Variants in PHF24 observed in about 807,000 individuals in gnomAD.
PHF24 encodes Galpha inhibitory interacting protein.
A neutral mutation model predicts 42.6 loss-of-function variants in PHF24; 25 were observed. The observed-to-expected ratio is 0.59, with a 90% confidence interval of 0.43 to 0.82. PHF24 has a LOEUF of 0.82. Among genes scored for constraint, PHF24 ranks in the 40% least tolerant of loss-of-function variants. The pLI, the probability that PHF24 is intolerant of heterozygous loss-of-function variation, is 0.00. For synonymous variants in PHF24, 185 were observed against 204.8 expected (o/e 0.90, Z 0.83); for missense variants, 470 against 538.1 (o/e 0.87, Z 1.25).
chr9:34,904,364 C>T, the PHF24 span, among the ~76,000 whole-genome samples: 1 of 152,068 alleles, frequency 6.6e-6, no homozygotes, highest in African/African-American at 2.4e-5. Flanking sequence ...GTGGGTTTGT[C>T]GTGGATGGCT....
At chr9:34,869,918 AG>A in the PHF24 span, among the ~76,000 whole-genome samples, 1 of 152,200 alleles carries the variant, frequency 6.6e-6, no homozygotes, top group Non-Finnish European at 1.5e-5. Flanking sequence ...CAACCAAAAA[AG>A]TAATCATTAG....
chr9:34,739,563 G>A, the PHF24 span, among the ~76,000 whole-genome samples: 9 of 152,192 alleles, frequency 5.9e-5, no homozygotes, highest in East Asian at 1.4e-3. Context: ...TTAAGGTGGC[G>A]CGTCTGGAGT....
chr9:34,946,116 T>C, the PHF24 span, among the ~76,000 whole-genome samples: 1 of 152,240 alleles, frequency 6.6e-6, no homozygotes, highest in Non-Finnish European at 1.5e-5. Context: ...ATATTCTTTA[T>C]GGTCACCACA....
the PHF24 span, chr9:34,709,215 G>T: frequency 1.3e-6 from 1 of 773,868 alleles, no homozygotes; most frequent in Non-Finnish European, 2.1e-6. Flanking sequence ...GCTCAGCCAT[G>T]CAGGGTAGAG....
chr9:34,748,822 C>T, the PHF24 span, among the ~76,000 whole-genome samples: 1 of 152,162 alleles, frequency 6.6e-6, no homozygotes, highest in South Asian at 2.1e-4. Context: ...ACCATCAAGA[C>T]CATCCAGGAA....
At chr9:34,723,203 A>G in the PHF24 span, 3 of 1,542,998 alleles carry the variant, frequency 1.9e-6, no homozygotes, top group African/African-American at 1.4e-5. Context: ...GAGCGGACCA[A>G]TGTTTCTATC....
the PHF24 span, among the ~76,000 whole-genome samples, chr9:34,937,508 C>G: frequency 6.6e-6 from 1 of 152,206 alleles, no homozygotes; most frequent in East Asian, 1.9e-4. Flanking sequence ...GACACAAACA[C>G]TGCGGAAGGC....
the PHF24 span, among the ~76,000 whole-genome samples, chr9:34,924,452 C>G: frequency 6.6e-6 from 1 of 152,102 alleles, no homozygotes; most frequent in African/African-American, 2.4e-5. Flanking sequence ...CTGGGTACTC[C>G]AGTGTTGGCT....
chr9:34,868,774 T>C, the PHF24 span, among the ~76,000 whole-genome samples: 1,460 of 152,210 alleles, frequency 9.6e-3, 44 homozygotes, highest in East Asian at 0.093. Context: ...TTCCTTCAAC[T>C]TTAAGTTCTG....
At chr9:34,955,955 T>C (rs1826361462), upstream of PHF24, among the ~76,000 whole-genome samples, 1 of 152,176 alleles carries the variant, frequency 6.6e-6, no homozygotes, top group African/African-American at 2.4e-5. Context: ...AAAAATGAAA[T>C]TGATAAATTT....
chr9:34,778,030 G>A, the PHF24 span, among the ~76,000 whole-genome samples: 1 of 152,146 alleles, frequency 6.6e-6, no homozygotes, highest in Admixed American at 6.5e-5. Flanking sequence ...CTGGCCAATC[G>A]GGCTGCCATG....
At chr9:34,732,699 C>T in the PHF24 span, among the ~76,000 whole-genome samples, 1 of 152,128 alleles carries the variant, frequency 6.6e-6, no homozygotes, top group Non-Finnish European at 1.5e-5. Context: ...ATCTTTGCCC[C>T]TAGATCAATT....
chr9:34,979,021 G>A (rs1827302781), exon 8 of PHF24: 1 of 152,194 alleles, frequency 6.6e-6, no homozygotes, highest in African/African-American at 2.4e-5. Context: ...TGTGTTAGAT[G>A]CTTCACCCAA....
At chr9:34,873,214 T>G in the PHF24 span, among the ~76,000 whole-genome samples, 1 of 151,998 alleles carries the variant, frequency 6.6e-6, no homozygotes, top group African/African-American at 2.4e-5. Flanking sequence ...TTTAATTAGA[T>G]CCCATTTGTC....
chr9:34,726,911 A>G, the PHF24 span: 1 of 1,551,794 alleles, frequency 6.4e-7, no homozygotes, highest in Non-Finnish European at 8.7e-7. Flanking sequence ...CTCCAGAGCC[A>G]CAGAATTGCA....
the PHF24 span, chr9:34,835,770 A>T: frequency 6.4e-7 from 1 of 1,551,032 alleles, no homozygotes; most frequent in Non-Finnish European, 8.7e-7. Context: ...AAGATTTCTG[A>T]TCTGTTAATT....
At chr9:34,720,117 G>A in the PHF24 span, among the ~76,000 whole-genome samples, 7 of 152,242 alleles carry the variant, frequency 4.6e-5, no homozygotes, top group East Asian at 7.8e-4. Flanking sequence ...CTGGGTTTCC[G>A]TAGGAACCAG....
chr9:34,906,981 A>C, the PHF24 span, among the ~76,000 whole-genome samples: 1 of 151,728 alleles, frequency 6.6e-6, no homozygotes, highest in South Asian at 2.1e-4. Context: ...GCACCACCCC[A>C]CCCCTCTAAT....
chr9:34,727,438 C>T, the PHF24 span, among the ~76,000 whole-genome samples: 1 of 152,194 alleles, frequency 6.6e-6, no homozygotes, highest in South Asian at 2.1e-4. Context: ...GGGACTTCTG[C>T]ATTCTGGGGT....
Sources: allele counts gnomAD v4.1 joint callset (sites outside exome capture counted in the v4.1 genomes callset), GRCh38; gene constraint gnomAD v4.1.1; transcripts MANE v1.5; gene names NCBI Gene and HGNC (gene_info 2026-07-23, HGNC 2026-07-21).